SRGAP3: variants seen among roughly 807,000 people sequenced by gnomAD.
The protein encoded by SRGAP3 is SLIT-ROBO Rho GTPase activating protein 3.
SRGAP3 carries 39 observed loss-of-function variants against 121.1 expected under a neutral mutation model. That is an observed-to-expected ratio of 0.32 (90% CI 0.25 to 0.42). The LOEUF is 0.42. Ranked by LOEUF, SRGAP3 falls within the 10% of genes least tolerant of loss-of-function variation. The probability of loss-of-function intolerance (pLI) is 1.00; values close to 1 mark genes in which losing one functional copy is unlikely to be tolerated. For missense variants in SRGAP3, 1,213 were observed against 1,470.6 expected (o/e 0.82, Z 2.86); for synonymous variants, 601 against 570.0 (o/e 1.05, Z -0.77).
At chr3:9,359,102 G>A (rs887275918) in intron 1 of SRGAP3, among the ~76,000 whole-genome samples, 1 of 152,142 alleles carries the variant, frequency 6.6e-6, no homozygotes, top group Non-Finnish European at 1.5e-5. Context: ...CTATTTAGGG[G>A]CAATAAATGG....
At chr3:9,041,470 A>G (rs1317381237) in intron 10 of SRGAP3, among the ~76,000 whole-genome samples, 1 of 152,232 alleles carries the variant, frequency 6.6e-6, no homozygotes, top group Non-Finnish European at 1.5e-5. Context: ...TCCTTCTCCT[A>G]CCAAAACTGT....
intron 8 of SRGAP3, among the ~76,000 whole-genome samples, chr3:9,054,736 C>G (rs1428046118): frequency 6.6e-6 from 1 of 152,236 alleles, no homozygotes; most frequent in African/African-American, 2.4e-5. Context: ...TCTTTTCTCA[C>G]TAGAATATTC....
At chr3:9,142,232 AC>A (rs1318615652) in intron 1 of SRGAP3, among the ~76,000 whole-genome samples, 3 of 152,226 alleles carry the variant, frequency 2.0e-5, no homozygotes, top group Non-Finnish European at 4.4e-5. Context: ...GTAAAAAGTT[AC>A]GCAAATGGGC....
intron 3 of SRGAP3, among the ~76,000 whole-genome samples, chr3:9,313,958 A>G (rs1030371375): frequency 1.1e-4 from 17 of 152,236 alleles, no homozygotes; most frequent in African/African-American, 4.1e-4. Context: ...GTGCCACTGC[A>G]CTCCAGGCTA....
At chr3:9,137,887 C>T (rs992768997) in intron 1 of SRGAP3, among the ~76,000 whole-genome samples, 14 of 152,208 alleles carry the variant, frequency 9.2e-5, no homozygotes, top group Non-Finnish European at 1.8e-4. Context: ...AGTGAGGCCA[C>T]GCCTCCTCCT....
At position 8,983,711 on chromosome 3, in the gene SRGAP3, T is replaced by C. The variant is rs746215248; in HGVS notation, c.*1808A>G. The C allele has an allele frequency of 7.0e-5, 16 of 230,082 alleles. No individual in the cohort carries two copies. The highest frequency in any genetic ancestry group is 1.0e-4 in the Non-Finnish European group (12 of 116,200). 14.3% of individuals were successfully genotyped at this position (230,082 alleles called of 1,614,324 possible). ...CTTACTAATGATAATCACAAACGCA[T>C]TGTATTGATTCAGTGTTTTCCAGTG... is the stretch of plus-strand genomic sequence containing the variant. On this transcript the variant is annotated 3_prime_UTR_variant, in exon 22 of 22. Coordinates refer to ENST00000383836, the MANE Select transcript of SRGAP3 (RefSeq NM_014850.4).
At chr3:9,010,267 C>G (rs1197957968) in intron 18 of SRGAP3, 41 bp downstream of exon 18, 1 of 1,611,408 alleles carries the variant, frequency 6.2e-7, no homozygotes, top group Non-Finnish European at 8.5e-7. Flanking sequence ...TGTGAGAGGC[C>G]CCAGGAAGAA....
At chr3:9,271,405 G>A (rs1220806053) in intron 3 of SRGAP3, among the ~76,000 whole-genome samples, 1 of 152,194 alleles carries the variant, frequency 6.6e-6, no homozygotes. Context: ...ACTGTCCTGA[G>A]CCAAGGAGCA....
chr3:9,237,778 G>C (rs534331197), intron 1 of SRGAP3, among the ~76,000 whole-genome samples: 1 of 152,324 alleles, frequency 6.6e-6, no homozygotes, highest in East Asian at 1.9e-4. Context: ...GGCTTTCTAA[G>C]TGCAGTTGAG....
chr3:9,299,006 C>G (rs1347738932), intron 3 of SRGAP3, among the ~76,000 whole-genome samples: 2 of 139,972 alleles, frequency 1.4e-5, no homozygotes, highest in Non-Finnish European at 3.0e-5. Context: ...AAGCTGAGAT[C>G]ATGCCACTGC....
intron 3 of SRGAP3, among the ~76,000 whole-genome samples, chr3:9,255,954 G>T (rs1954123466): frequency 6.6e-6 from 1 of 152,034 alleles, no homozygotes. Flanking sequence ...GCATCCCATG[G>T]CTCACAACAA....
intron 1 of SRGAP3, among the ~76,000 whole-genome samples, chr3:9,179,472 G>A (rs557948641): frequency 3.5e-4 from 54 of 152,330 alleles, no homozygotes; most frequent in Non-Finnish European, 4.4e-5. Context: ...GTAAGCACCT[G>A]GCAAATGTTA....
chr3:9,295,426 G>A (rs1215661460), intron 3 of SRGAP3, among the ~76,000 whole-genome samples: 5 of 152,148 alleles, frequency 3.3e-5, no homozygotes, highest in East Asian at 3.9e-4. Context: ...CTCTAGCATC[G>A]TGCCATCCAG....
chr3:9,249,890 C>T (rs2125249745), upstream of SRGAP3, among the ~76,000 whole-genome samples: 1 of 152,332 alleles, frequency 6.6e-6, no homozygotes, highest in East Asian at 1.9e-4. Flanking sequence ...CTTCCAAAAA[C>T]TTAAGATCCT....
At chr3:9,219,248 C>T (rs1952726352) in intron 1 of SRGAP3, 1 of 152,070 alleles carries the variant, frequency 6.6e-6, no homozygotes, top group Non-Finnish European at 1.5e-5. Flanking sequence ...AAAGACTTTC[C>T]TAGCAAGACT....
At chr3:9,265,159 C>A (rs1382140910) in intron 3 of SRGAP3, among the ~76,000 whole-genome samples, 1 of 152,168 alleles carries the variant, frequency 6.6e-6, no homozygotes, top group African/African-American at 2.4e-5. Flanking sequence ...GTTGGAAAAA[C>A]TGGCTAGCCA....
intron 1 of SRGAP3, among the ~76,000 whole-genome samples, chr3:9,177,502 G>A (rs779701216): frequency 1.3e-5 from 2 of 152,074 alleles, no homozygotes; most frequent in East Asian, 1.9e-4. Flanking sequence ...ACCATGCCAC[G>A]GAGTCTGACC....
chr3:9,109,951 G>A lies in SRGAP3; in HGVS notation c.261-5109C>T, dbSNP rs1027060820. On this transcript the variant is annotated intron_variant, in intron 2 of 21. Coordinates refer to ENST00000383836, the MANE Select transcript of SRGAP3 (RefSeq NM_014850.4). The surrounding 1 kb of genome is among the most constrained non-coding windows in gnomAD (Gnocchi z 4.4). The stretch of plus-strand genomic sequence containing the variant: ...AGGTGAACATGGAGACTGAGGCAGG[G>A]GCCACTTGGGAAAGGGCCTTTAACT... Among the ~76,000 whole-genome samples the A allele has an allele frequency of 6.6e-6, 1 of 152,078 alleles. No individual in the cohort carries two copies. The highest frequency in any genetic ancestry group is 1.5e-5 in the Non-Finnish European group (1 of 68,016).
chr3:9,240,346 C>A (rs1953580823), intron 1 of SRGAP3, among the ~76,000 whole-genome samples: 1 of 152,108 alleles, frequency 6.6e-6, no homozygotes, highest in African/African-American at 2.4e-5. Flanking sequence ...CTGTATTAAG[C>A]CAGAAGTTCT....
Sources: allele counts gnomAD v4.1 joint callset (sites outside exome capture counted in the v4.1 genomes callset), GRCh38; gene constraint gnomAD v4.1.1; non-coding constraint Gnocchi (gnomAD v3.1); transcripts MANE v1.5; gene names NCBI Gene and HGNC (gene_info 2026-07-23, HGNC 2026-07-21).